The following CACNA1C variants were observed in gnomAD, a reference collection of about 807,000 sequenced individuals.
The protein encoded by CACNA1C is calcium voltage-gated channel subunit alpha1 C.
Under a neutral mutation model 229.0 loss-of-function variants are expected in CACNA1C, and 30 were observed. That is an observed-to-expected ratio of 0.13 (90% CI 0.10 to 0.18). CACNA1C has a LOEUF of 0.18. Ranked by LOEUF, CACNA1C falls within the 10% of genes least tolerant of loss-of-function variation. CACNA1C has a pLI of 1.00. For missense variants in CACNA1C, 1,658 were observed against 2,845.0 expected (o/e 0.58, Z 9.49); for synonymous variants, 1,114 against 1,132.5 (o/e 0.98, Z 0.33).
At chr12:2,309,688 A>G (rs978947081) in intron 3 of CACNA1C, among the ~76,000 whole-genome samples, 11 of 152,272 alleles carry the variant, frequency 7.2e-5, no homozygotes, top group Non-Finnish European at 1.6e-4. Flanking sequence ...CTGTAAAAAT[A>G]TAAATAAAAG....
At chr12:2,335,358 G>A (rs1029152528) in intron 3 of CACNA1C, among the ~76,000 whole-genome samples, 1 of 152,000 alleles carries the variant, frequency 6.6e-6, no homozygotes, top group African/African-American at 2.4e-5. Flanking sequence ...GATTTACGAT[G>A]TCAAGAGCCA....
chr12:2,150,382 C>T (rs1257668401), intron 3 of CACNA1C, among the ~76,000 whole-genome samples: 1 of 152,116 alleles, frequency 6.6e-6, no homozygotes, highest in Non-Finnish European at 1.5e-5. Context: ...CCCAACATTC[C>T]CTGGGGAACA....
At chr12:2,072,814 A>T (rs1255795008) in intron 1 of CACNA1C, among the ~76,000 whole-genome samples, 1 of 152,232 alleles carries the variant, frequency 6.6e-6, no homozygotes, top group Non-Finnish European at 1.5e-5. Context: ...AAGACAGGGC[A>T]GACTGTCAGT....
chr12:2,236,488 T>C (rs2154368767), intron 3 of CACNA1C, among the ~76,000 whole-genome samples: 1 of 152,344 alleles, frequency 6.6e-6, no homozygotes, highest in African/African-American at 2.4e-5. Context: ...AATTTTTTGT[T>C]TAAAAACTAA....
At chr12:2,565,620 G>A (rs1458787549) in intron 11 of CACNA1C, among the ~76,000 whole-genome samples, 1 of 152,318 alleles carries the variant, frequency 6.6e-6, no homozygotes, top group Non-Finnish European at 1.5e-5. Flanking sequence ...ACTGACAAAG[G>A]CTCCTAAACC....
chr12:2,442,242 A>G (rs1315693561), intron 3 of CACNA1C, among the ~76,000 whole-genome samples: 2 of 152,204 alleles, frequency 1.3e-5, no homozygotes, highest in Non-Finnish European at 2.9e-5. Context: ...GCCTGTACAC[A>G]TCAGTGTCTA....
At chr12:2,390,002 A>G (rs753076) in intron 3 of CACNA1C, among the ~76,000 whole-genome samples, 103,880 of 152,102 alleles carry the variant, frequency 0.68, 35,901 homozygotes, top group Admixed American at 0.74. Context: ...TTATTATAGC[A>G]TCTCTCAAGA....
chr12:2,122,960 G>T (rs1402401726), intron 3 of CACNA1C, among the ~76,000 whole-genome samples: 1 of 152,318 alleles, frequency 6.6e-6, no homozygotes, highest in Admixed American at 6.5e-5. Flanking sequence ...CTGGGGATGC[G>T]CATCAAAAAA....
At chr12:2,135,618 CA>C (rs1555218757) in intron 3 of CACNA1C, among the ~76,000 whole-genome samples, 1 of 138,660 alleles carries the variant, frequency 7.2e-6, no homozygotes, top group Non-Finnish European at 1.5e-5. Flanking sequence ...TTAGGCTGCT[CA>C]GGGGTCAGGG....
chr12:2,210,529 G>A (rs766063249), intron 3 of CACNA1C, among the ~76,000 whole-genome samples: 1 of 152,174 alleles, frequency 6.6e-6, no homozygotes, highest in African/African-American at 2.4e-5. Context: ...GGAAATTGGT[G>A]GGGGGTTTGT....
intron 3 of CACNA1C, among the ~76,000 whole-genome samples, chr12:2,387,501 A>G (rs1436170378): frequency 2.0e-5 from 3 of 152,086 alleles, no homozygotes; most frequent in Non-Finnish European, 4.4e-5. Flanking sequence ...AAAGAAAGAA[A>G]GAAAGAAAGC....
At chr12:2,355,750 G>T (rs1435674431) in intron 3 of CACNA1C, among the ~76,000 whole-genome samples, 1 of 152,202 alleles carries the variant, frequency 6.6e-6, no homozygotes, top group Admixed American at 6.5e-5. Context: ...GACAGATTTG[G>T]TTTTCACAAC....
chr12:2,045,805 CAG>C (rs754455214), intron 1 of CACNA1C, among the ~76,000 whole-genome samples: 38 of 151,956 alleles, frequency 2.5e-4, no homozygotes, highest in Non-Finnish European at 4.7e-4. Flanking sequence ...TCCTAATCCC[CAG>C]AGAGTGTCAG....
At chr12:2,057,892 A>G (rs2055843440) in intron 1 of CACNA1C, among the ~76,000 whole-genome samples, 1 of 152,232 alleles carries the variant, frequency 6.6e-6, no homozygotes, top group Non-Finnish European at 1.5e-5. Context: ...CTGTGCAGTC[A>G]CAGAGCTTGC....
Position 2,357,469 on chromosome 12 carries a change from G to A in CACNA1C, c.478-91507G>A, listed in dbSNP as rs544814303. Among the ~76,000 whole-genome samples the A allele has an allele frequency of 2.6e-5, 4 of 152,184 alleles. No individual in the cohort carries two copies. In the South Asian group the frequency reaches 8.3e-4, roughly 32 times the overall value. The stretch of plus-strand genomic sequence containing the variant: ...GGAGAGGTTCTTCTTTTCTCCCTAA[G>A]TGACATCCCTCTTGAGCCCACAATT... On this transcript the variant is annotated intron_variant, in intron 3 of 46. Coordinates refer to ENST00000399655, the MANE Select transcript of CACNA1C (RefSeq NM_000719.7).
At chr12:2,279,976 A>G (rs116215869) in intron 3 of CACNA1C, among the ~76,000 whole-genome samples, 1,572 of 152,320 alleles carry the variant, frequency 0.01, 19 homozygotes, top group African/African-American at 0.036. Flanking sequence ...GGACAGCTGC[A>G]TATCTTTTTC....
At chr12:2,239,868 C>CA (rs2069134828) in intron 3 of CACNA1C, among the ~76,000 whole-genome samples, 1 of 152,192 alleles carries the variant, frequency 6.6e-6, no homozygotes, top group African/African-American at 2.4e-5. Context: ...GCAGGGAGGG[C>CA]TGGCCCACGT....
intron 9 of CACNA1C, among the ~76,000 whole-genome samples, chr12:2,539,260 T>TAAAG (rs1163557774): frequency 2.0e-4 from 28 of 141,112 alleles, no homozygotes; most frequent in African/African-American, 6.7e-4. Context: ...GAGGGCTTCA[T>TAAAG]AAAGATGCAG....
rs553650227 is a variant in CACNA1C, at chr12:2,100,474, A to C, written c.50-14750A>C. 4.5e-3 allele frequency among the ~76,000 whole-genome samples: 305 copies of C among 68,292 alleles called. 2 individuals are homozygous for C. Among genetic ancestry groups the C allele is most frequent in the African/African-American group, 0.011 (272 of 23,706 alleles). 44.8% of individuals were successfully genotyped at this position (68,292 alleles called of 152,430 possible). A position where few individuals can be genotyped will look rare whatever the true frequency, so the allele number is the denominator to read the frequency against. On this transcript the variant is annotated intron_variant, in intron 1 of 46. Coordinates refer to ENST00000399655, the MANE Select transcript of CACNA1C (RefSeq NM_000719.7). ...AGAGCGAGACTCCATCTCAAAAAAA[A>C]AAAAACAAAAAAAAAAAACAACAAA...
Sources: gnomAD v4.1 joint callset for allele counts (sites outside exome capture counted in the v4.1 genomes callset) on GRCh38, gnomAD v4.1.1 for gene constraint, MANE v1.5 for transcripts, NCBI Gene and HGNC (gene_info 2026-07-23, HGNC 2026-07-21) for gene names.